CADM2: variants seen among roughly 807,000 people sequenced by gnomAD.
CADM2 encodes the protein immunoglobulin superfamily member 4D.
Under a neutral mutation model 49.8 loss-of-function variants are expected in CADM2, and 12 were observed. The ratio of observed to expected loss-of-function variants is 0.24; its 90% CI spans 0.15 to 0.39. The LOEUF (loss-of-function observed/expected upper bound fraction) is 0.39. Among genes scored for constraint, CADM2 ranks in the 10% least tolerant of loss-of-function variants. The pLI, the probability that CADM2 is intolerant of heterozygous loss-of-function variation, is 1.00. For synonymous variants in CADM2, 214 were observed against 175.4 expected, an observed-to-expected ratio of 1.22 and a Z score of -1.74; for missense variants, 378 against 492.3, an observed-to-expected ratio of 0.77 and a Z score of 2.20.
intron 6 of CADM2, among the ~76,000 whole-genome samples, chr3:85,924,523 T>G (rs1188247342): frequency 6.6e-6 from 1 of 151,848 alleles, no homozygotes; most frequent in Admixed American, 6.6e-5. Flanking sequence ...GCCCAGGAGT[T>G]TGAGGCTGCA....
chr3:85,410,534 G>C (rs2035607868), intron 1 of CADM2, among the ~76,000 whole-genome samples: 1 of 152,016 alleles, frequency 6.6e-6, no homozygotes, highest in Admixed American at 6.6e-5. Flanking sequence ...ATTTTCTACT[G>C]TAATTGTGGA....
intron 1 of CADM2, among the ~76,000 whole-genome samples, chr3:85,376,060 T>C (rs1402258181): frequency 6.6e-6 from 1 of 152,164 alleles, no homozygotes; most frequent in East Asian, 1.9e-4. Context: ...ATAAGTACTA[T>C]TATTATCAAT....
Position 85,173,201 on chromosome 3 carries a change from A to T in CADM2, c.61+213533A>T, listed in dbSNP as rs778274612. On this transcript the variant is annotated intron_variant, in intron 1 of 9. Coordinates refer to ENST00000383699, the MANE Select transcript of CADM2 (RefSeq NM_001167675.2). Reference sequence around the variant, plus strand: ...ACTATTTTTACATATAAATATAGATAGATATGGGTATATAGATAAGGATTG... The same window carrying T: ...ACTATTTTTACATATAAATATAGATTGATATGGGTATATAGATAAGGATTG... Among the ~76,000 whole-genome samples the T allele has an allele frequency of 5.4e-4, 82 of 151,756 alleles. 1 individual carries two copies. Among genetic ancestry groups the T allele is most frequent in the South Asian group, 8.3e-4 (4 of 4,820 alleles).
intron 1 of CADM2, among the ~76,000 whole-genome samples, chr3:85,670,226 C>T (rs192176685): frequency 1.3e-5 from 2 of 152,220 alleles, no homozygotes; most frequent in Admixed American, 1.3e-4. Flanking sequence ...TCTCTGATTC[C>T]TGTTCACATA....
At chr3:85,119,252 A>G (rs1176517357) in intron 1 of CADM2, among the ~76,000 whole-genome samples, 1 of 152,116 alleles carries the variant, frequency 6.6e-6, no homozygotes, top group African/African-American at 2.4e-5. Context: ...TCTCTACAAA[A>G]AAAATCCGGG....
rs1266341691 is a variant in CADM2, at chr3:86,018,033, C to G, written c.971-47572C>G. ...CCAATGCTATCCCTCCCCCCTCCCC[C>G]CACCCCACAACAGTCCCCAGAGTGT... On this transcript the variant is annotated intron_variant, in intron 8 of 9. Coordinates refer to ENST00000383699, the MANE Select transcript of CADM2 (RefSeq NM_001167675.2). Among the ~76,000 whole-genome samples the G allele has an allele frequency of 9.0e-5, 10 of 110,618 alleles. 1 individual carries two copies. Among genetic ancestry groups the G allele is most frequent in the Admixed American group, 8.6e-4 (9 of 10,446 alleles). The allele number at this position is 110,618 out of a possible 152,430, so 72.6% of individuals were successfully genotyped here. A position where few individuals can be genotyped will look rare whatever the true frequency, so the allele number is the denominator to read the frequency against.
intron 1 of CADM2, among the ~76,000 whole-genome samples, chr3:85,078,807 T>A (rs745644079): frequency 2.0e-5 from 3 of 151,854 alleles, no homozygotes; most frequent in Admixed American, 1.3e-4. Flanking sequence ...TAAGCTTATG[T>A]TTTTCTTTAA....
chr3:85,725,772 T>G (rs1166924405), intron 1 of CADM2, among the ~76,000 whole-genome samples: 1 of 152,074 alleles, frequency 6.6e-6, no homozygotes, highest in Non-Finnish European at 1.5e-5. Context: ...TGTTTATGTG[T>G]CAACCAAGTA....
chr3:85,537,930 A>G (rs578187664), intron 1 of CADM2, among the ~76,000 whole-genome samples: 68 of 152,276 alleles, frequency 4.5e-4, no homozygotes, highest in Non-Finnish European at 8.2e-4. Context: ...CTTGATGGTC[A>G]TGCCAGAAAT....
intron 1 of CADM2, among the ~76,000 whole-genome samples, chr3:85,719,227 A>C (rs1393207667): frequency 6.6e-6 from 1 of 152,156 alleles, no homozygotes; most frequent in Non-Finnish European, 1.5e-5. Context: ...ACATATGATA[A>C]ATTGACCTCA....
At chr3:85,969,987 ACAC>A (rs1725918369) in intron 8 of CADM2, among the ~76,000 whole-genome samples, 2 of 17,108 alleles carry the variant, frequency 1.2e-4, no homozygotes, top group East Asian at 1.6e-3. Context: ...ATATATATAT[ACAC>A]TCATACACTC....
intron 5 of CADM2, among the ~76,000 whole-genome samples, chr3:85,893,021 G>T (rs1222765011): frequency 2.6e-5 from 4 of 152,186 alleles, no homozygotes; most frequent in Non-Finnish European, 5.9e-5. Context: ...TGAGAAACTT[G>T]TTGGGAAGTG....
intron 1 of CADM2, among the ~76,000 whole-genome samples, chr3:85,304,500 A>G (rs112400012): frequency 2.0e-5 from 3 of 151,818 alleles, no homozygotes; most frequent in African/African-American, 7.2e-5. Flanking sequence ...ATGGTTATTG[A>G]CATTATCAAA....
At chr3:85,430,740 A>G (rs2107520894) in intron 1 of CADM2, among the ~76,000 whole-genome samples, 1 of 152,126 alleles carries the variant, frequency 6.6e-6, no homozygotes, top group Non-Finnish European at 1.5e-5. Context: ...AGACAGATAA[A>G]TAACACATTT....
intron 8 of CADM2, among the ~76,000 whole-genome samples, chr3:85,966,536 A>G (rs1052695362): frequency 6.6e-6 from 1 of 151,690 alleles, no homozygotes; most frequent in Non-Finnish European, 1.5e-5. Context: ...ATTTAGAATG[A>G]AATTGCCCAC....
chr3:85,079,341 A>G (rs1559649430), intron 1 of CADM2, among the ~76,000 whole-genome samples: 1 of 151,846 alleles, frequency 6.6e-6, no homozygotes, highest in Non-Finnish European at 1.5e-5. Context: ...TTATATTGAC[A>G]TGAACTTTTG....
chr3:85,743,718 C>T (rs918821104), intron 2 of CADM2, among the ~76,000 whole-genome samples: 3 of 152,058 alleles, frequency 2.0e-5, no homozygotes, highest in Non-Finnish European at 2.9e-5. Flanking sequence ...CACTGAATAG[C>T]GCAAAGAGGC....
chr3:85,690,658 A>G (rs114967990), intron 1 of CADM2, among the ~76,000 whole-genome samples: 385 of 152,314 alleles, frequency 2.5e-3, no homozygotes, highest in African/African-American at 9.1e-3. Context: ...AATAAGGTAC[A>G]TAGTTCATGT....
chr3:85,701,053 AG>A (rs74796828), intron 1 of CADM2, among the ~76,000 whole-genome samples: 7,295 of 152,250 alleles, frequency 0.048, 321 homozygotes, highest in East Asian at 0.18. Flanking sequence ...ATGGTTCTGC[AG>A]GGTATACAGG....
Sources: gnomAD v4.1 joint callset for allele counts (sites outside exome capture counted in the v4.1 genomes callset) on GRCh38, gnomAD v4.1.1 for gene constraint, MANE v1.5 for transcripts, NCBI Gene and HGNC (gene_info 2026-07-23, HGNC 2026-07-21) for gene names.